The following MPV17 variants were observed in gnomAD, a reference collection of about 807,000 sequenced individuals.
The protein encoded by MPV17 is mitochondrial inner membrane protein MPV17.
A neutral mutation model predicts 28.6 loss-of-function variants in MPV17; 31 were observed. The observed-to-expected ratio is 1.08, with a 90% confidence interval of 0.81 to 1.46. The LOEUF is 1.46. Among genes scored for constraint, MPV17 ranks in the 40% most tolerant of loss-of-function variants. The pLI is 0.00. For missense variants in MPV17, 198 were observed against 216.2 expected (o/e 0.92, Z 0.53); for synonymous variants, 87 against 85.3 (o/e 1.02, Z -0.11).
At chr2:27,318,287 G>A (rs1252787117) in intron 2 of MPV17, among the ~76,000 whole-genome samples, 6 of 151,310 alleles carry the variant, frequency 4.0e-5, no homozygotes, top group East Asian at 3.9e-4. Flanking sequence ...AGCTGGTCTC[G>A]AACTCCTGAC....
At position 27,309,828 on chromosome 2, in the gene MPV17, G is replaced by T; in HGVS notation, c.*84C>A. 1 of 1,153,422 alleles carries T rather than the reference G, an allele frequency of 8.7e-7. No homozygotes were observed. Among genetic ancestry groups the T allele is most frequent in the Non-Finnish European group, 1.3e-6 (1 of 766,962 alleles). The allele number at this position is 1,153,422 out of a possible 1,614,324, so 71.4% of individuals were successfully genotyped here. On this transcript the variant is annotated 3_prime_UTR_variant, in exon 8 of 8. Transcript: ENST00000380044. The stretch of plus-strand genomic sequence containing the variant: ...CGGCAACCCAACCCCGTGGAAACTG[G>T]TATGCCCACTTTGAGGAGGTTGTCT...
rs1420228978 is a variant in MPV17 at position 27,309,730 on chromosome 2, G to A, written c.*182C>T. The A allele has an allele frequency of 1.5e-6, 1 of 676,780 alleles. No individual in the cohort carries two copies. Among genetic ancestry groups the A allele is most frequent in the African/African-American group, 1.8e-5 (1 of 56,526 alleles). The allele number at this position is 676,780 out of a possible 1,614,324, so 41.9% of individuals were successfully genotyped here. On this transcript the variant is annotated 3_prime_UTR_variant, in exon 8 of 8. Coordinates refer to ENST00000380044, the MANE Select transcript of MPV17 (RefSeq NM_002437.5). ...GGTGGGAATAAGACTATTATCAAGG[G>A]CTCTAAAGCAGTCAGTGTACATTTT...
At chr2:27,322,108 T>C in intron 2 of MPV17, 1 of 357,518 alleles carries the variant, frequency 2.8e-6, no homozygotes, top group South Asian at 3.1e-5. Context: ...GGGGGCCCTA[T>C]GCCATAACGT....
intron 6 of MPV17, 30 bp downstream of exon 6, chr2:27,312,184 A>C: frequency 6.2e-7 from 1 of 1,610,986 alleles, no homozygotes; most frequent in Non-Finnish European, 8.5e-7. Flanking sequence ...AGGAAGCAGG[A>C]GAACAAGCAG....
chr2:27,315,170 C>G (rs1230460373), intron 2 of MPV17, among the ~76,000 whole-genome samples: 6 of 152,244 alleles, frequency 3.9e-5, no homozygotes, highest in Non-Finnish European at 7.3e-5. Flanking sequence ...GGTAGGTGCT[C>G]AGAAAATAAA....
chr2:27,317,220 T>G lies in MPV17; in HGVS notation c.71-4111A>C, dbSNP rs1309022168. 4 of 1,548,332 alleles carry G rather than the reference T, an allele frequency of 2.6e-6. No individual in the cohort carries two copies. The Admixed American group carries it at 7.9e-5, about 31-fold the overall frequency. The stretch of plus-strand genomic sequence containing the variant: ...CTGGCATGGGGCCAGCAGTGCTGCC[T>G]TCCTCCCCAGAAGTCTGCAAACATT... On this transcript the variant is annotated intron_variant, in intron 2 of 7. Transcript: ENST00000380044. This position sits in a 1 kb window ranked among gnomAD's most constrained non-coding sequence, Gnocchi z 4.0.
At chr2:27,316,919 G>C in intron 2 of MPV17, 1 of 682,020 alleles carries the variant, frequency 1.5e-6, no homozygotes. Context: ...CGTCACTCCC[G>C]AACAGATCCA....
At chr2:27,313,133 T>C in intron 2 of MPV17, 24 bp from the exon 3 acceptor site, 1 of 1,614,062 alleles carries the variant, frequency 6.2e-7, no homozygotes, top group Non-Finnish European at 8.5e-7. Flanking sequence ...ACAGGTGTTG[T>C]CAGGACATCT....
rs1019758233 is a variant in MPV17 at position 27,312,707 on chromosome 2, A to G, written c.252T>C (p.Asp84=). ...GATCCAACAACATCTTCTTCAGTGC[A>G]TCCACTTTGGTGGTGCCAGGGATGA... The part of the protein sequence containing the change: ...DRFIPGTTKV[D]ALKKMLLDQG... The change falls in exon 4 of 8, where the codon GAT becomes GAC. Residue 84 remains aspartate, a synonymous_variant. Coordinates refer to ENST00000380044, the MANE Select transcript of MPV17 (RefSeq NM_002437.5). 1 of 1,614,102 alleles carries G rather than the reference A, an allele frequency of 6.2e-7. No individual in the cohort carries two copies. The highest frequency in any genetic ancestry group is 1.3e-5 in the African/African-American group (1 of 74,938).
At chr2:27,314,348 A>G (rs1301758697) in intron 2 of MPV17, among the ~76,000 whole-genome samples, 1 of 151,350 alleles carries the variant, frequency 6.6e-6, no homozygotes. Context: ...GTAATAAAAC[A>G]AGAGTGCTCA....
At chr2:27,321,354 G>A (rs1448440315) in intron 2 of MPV17, among the ~76,000 whole-genome samples, 2 of 152,194 alleles carry the variant, frequency 1.3e-5, no homozygotes, top group African/African-American at 4.8e-5. Flanking sequence ...CTGGAGAGGG[G>A]CCCAGGGAAG....
chr2:27,311,336 C>G, intron 7 of MPV17: 2 of 486,334 alleles, frequency 4.1e-6, no homozygotes, highest in Non-Finnish European at 3.7e-6. Flanking sequence ...GCTAGAATTA[C>G]AGGTGTGAGC....
In MPV17 at chr2:27,309,526, G is replaced by C; in HGVS notation, c.*386C>G. On this transcript the variant is annotated 3_prime_UTR_variant, in exon 8 of 8. Transcript: ENST00000380044. Reference sequence around the variant, plus strand: ...ACATATTTAATAACATATTTACTGAGGCACCATATAAAGGGTTCCGGGAGT... The same window carrying C: ...ACATATTTAATAACATATTTACTGACGCACCATATAAAGGGTTCCGGGAGT... 2.6e-6 allele frequency: 1 copy of C among 390,186 alleles called. No individual in the cohort carries two copies. The highest frequency in any genetic ancestry group is 4.6e-6 in the Non-Finnish European group (1 of 215,576). 24.2% of individuals were successfully genotyped at this position (390,186 alleles called of 1,614,324 possible). A position where few individuals can be genotyped will look rare whatever the true frequency, so the allele number is the denominator to read the frequency against.
rs746498319 is a variant in MPV17 at position 27,313,017 on chromosome 2, C to G, written c.163G>C (p.Val55Leu). 4.3e-6 allele frequency: 7 copies of G among 1,614,104 alleles called. No individual in the cohort carries two copies. The highest frequency in any genetic ancestry group is 5.9e-6 in the Non-Finnish European group (7 of 1,180,048). Residue 55 changes from valine (V) to leucine (L), a missense_variant, in exon 3 of 8, where the codon GTG (valine) becomes CTG (leucine). Physicochemically the swap from Val to Leu is conservative, Grantham distance 32 (BLOSUM62 1). Transcript: ENST00000380044. ...ACCACAAAGCCACAGCCCAGGGACA[C>G]CATGGTCAGAGTCCGGCCTCTCTGG... ...EHQRGRTLTM[V>L]SLGCGFVGPV... is the part of the protein sequence containing the mutation.
rs776651400 is a variant in MPV17, at chr2:27,311,954, G to T, written c.409-3C>A. 1 of 1,613,364 alleles carries T rather than the reference G, an allele frequency of 6.2e-7. No homozygotes were observed. Among genetic ancestry groups the T allele is most frequent in the East Asian group, 2.2e-5 (1 of 44,884 alleles). On this transcript the variant is annotated splice_region_variant and splice_polypyrimidine_tract_variant and intron_variant, in intron 6 of 7. Coordinates refer to ENST00000380044, the MANE Select transcript of MPV17 (RefSeq NM_002437.5). ...GCTAACTGCACAGCAGGCCATAGCTGCAAGAGAAAATGTAAAGGTTGGATG... is the reference window on the plus strand; with the variant it reads ...GCTAACTGCACAGCAGGCCATAGCTTCAAGAGAAAATGTAAAGGTTGGATG...
intron 2 of MPV17, among the ~76,000 whole-genome samples, chr2:27,313,570 A>C (rs1056430747): frequency 6.6e-6 from 1 of 152,178 alleles, no homozygotes; most frequent in Non-Finnish European, 1.5e-5. Context: ...ATTCCTAGAC[A>C]CTGTTCTTTC....
intron 7 of MPV17, chr2:27,311,453 C>T: frequency 1.2e-6 from 1 of 825,592 alleles, no homozygotes; most frequent in South Asian, 1.8e-5. Flanking sequence ...CACGATCCTT[C>T]ACCTTCAAGC....
At position 27,313,054 on chromosome 2, in the gene MPV17, AC is replaced by A. The variant is rs1679518890; in HGVS notation, c.125del (p.Gly42ValfsTer11). 6.2e-7 allele frequency: 1 copy of A among 1,609,996 alleles called. No homozygotes were observed. Among genetic ancestry groups the A allele is most frequent in the Admixed American group, 1.7e-5 (1 of 59,342 alleles). On this transcript the variant is annotated frameshift_variant, in exon 3 of 8. Transcript: ENST00000380044. LOFTEE classifies it high-confidence loss of function. The stretch of plus-strand genomic sequence containing the variant: ...TCCGGCCTCTCTGGTGTTCCTGCAG[AC>A]CCCGCCTCTCCACCAGCTGCTGTGA... Reference protein sequence around the residue: ...IISQQLVERRGLQEHQRGRTL... With the variant: ...IISQQLVERRXLQEHQRGRTL...
intron 2 of MPV17, among the ~76,000 whole-genome samples, chr2:27,319,040 C>G (rs1411118938): frequency 6.6e-6 from 1 of 152,160 alleles, no homozygotes; most frequent in Non-Finnish European, 1.5e-5. Context: ...GCTGGGATTA[C>G]AGGCATGAGC....
Sources: gnomAD v4.1 joint callset for allele counts (sites outside exome capture counted in the v4.1 genomes callset) on GRCh38, gnomAD v4.1.1 for gene constraint, Gnocchi (gnomAD v3.1) non-coding constraint, MANE v1.5 for transcripts, NCBI Gene and HGNC (gene_info 2026-07-23, HGNC 2026-07-21) for gene names.